SLC24A2: variants seen among roughly 807,000 people sequenced by gnomAD.
SLC24A2 encodes the protein sodium/potassium/calcium exchanger 2.
A neutral mutation model predicts 62.0 loss-of-function variants in SLC24A2; 36 were observed. The observed-to-expected ratio is 0.58, with a 90% CI of 0.44 to 0.77. The LOEUF is 0.77. Ranked by LOEUF, SLC24A2 falls within the 30% of genes least tolerant of loss-of-function variation. SLC24A2 has a pLI of 0.00. For synonymous variants in SLC24A2, 358 were observed against 294.0 expected, an observed-to-expected ratio of 1.22 and a Z score of -2.23; for missense variants, 846 against 817.9, an observed-to-expected ratio of 1.03 and a Z score of -0.42.
In SLC24A2 at chr9:19,511,864, C is replaced by G. The variant is rs1350721224; in HGVS notation, c.*4289G>C. On this transcript the variant is annotated 3_prime_UTR_variant, in exon 11 of 11. Transcript: ENST00000341998. The stretch of plus-strand genomic sequence containing the variant: ...AGGAGGCATAGCATCCACATAATCT[C>G]GCGTGTGTGTGGGGGTGTGGGTGTG... 1 of 152,248 alleles carries G rather than the reference C, an allele frequency of 6.6e-6. No homozygotes were observed. The highest frequency in any genetic ancestry group is 1.5e-5 in the Non-Finnish European group (1 of 68,116). The allele number at this position is 152,248 out of a possible 1,614,324, so 9.4% of individuals were successfully genotyped here.
chr9:20,276,036 G>A, the SLC24A2 span, among the ~76,000 whole-genome samples: 1 of 152,130 alleles, frequency 6.6e-6, no homozygotes, highest in Non-Finnish European at 1.5e-5. Context: ...TGAGGACACA[G>A]CCAAACCATA....
the SLC24A2 span, among the ~76,000 whole-genome samples, chr9:20,283,278 T>C: frequency 1.3e-5 from 2 of 152,240 alleles, no homozygotes; most frequent in Admixed American, 6.5e-5. Context: ...TCTGGATCAC[T>C]TGCATTAGAA....
the SLC24A2 span, among the ~76,000 whole-genome samples, chr9:20,233,889 G>A: frequency 2.0e-5 from 3 of 152,254 alleles, no homozygotes; most frequent in Admixed American, 6.5e-5. Flanking sequence ...CATGTTTAAT[G>A]CTTCCTTCAG....
At position 19,548,835 on chromosome 9, in the gene SLC24A2, A is replaced by G. The variant is rs141891228; in HGVS notation, c.1479+1302T>C. 5.7e-4 allele frequency among the ~76,000 whole-genome samples: 87 copies of G among 152,322 alleles called. 2 individuals carry two copies. In the East Asian group the frequency reaches 0.016, roughly 28 times the overall value. ...AAGGGCCAGCCCTGGGATGGACTGT[A>G]TTTCCGAGTATACTGTGTGCTGTTC... On this transcript the variant is annotated intron_variant, in intron 8 of 10. Coordinates refer to ENST00000341998, the MANE Select transcript of SLC24A2 (RefSeq NM_020344.4).
chr9:20,079,053 A>C, the SLC24A2 span, among the ~76,000 whole-genome samples: 2 of 143,408 alleles, frequency 1.4e-5, no homozygotes, highest in African/African-American at 4.9e-5. Flanking sequence ...ATAATTAAGA[A>C]CCTTGAGATA....
the SLC24A2 span, among the ~76,000 whole-genome samples, chr9:20,189,783 C>T: frequency 9.3e-5 from 14 of 151,350 alleles, no homozygotes; most frequent in East Asian, 2.0e-4. Flanking sequence ...ACTTTAGCTA[C>T]GGATTTCTGA....
chr9:19,763,354 T>C (rs1001266279), intron 2 of SLC24A2, among the ~76,000 whole-genome samples: 1 of 152,244 alleles, frequency 6.6e-6, no homozygotes, highest in Non-Finnish European at 1.5e-5. Context: ...CAATACTATG[T>C]TGAATAGCAG....
intron 2 of SLC24A2, among the ~76,000 whole-genome samples, chr9:19,670,338 T>G (rs1587128414): frequency 6.6e-6 from 1 of 152,300 alleles, no homozygotes; most frequent in East Asian, 1.9e-4. Flanking sequence ...CAAATATAAC[T>G]ATAGAACAAA....
chr9:19,783,941 G>A (rs1400548591), intron 2 of SLC24A2, among the ~76,000 whole-genome samples: 1 of 152,124 alleles, frequency 6.6e-6, no homozygotes, highest in East Asian at 1.9e-4. Context: ...ACATTTTGGG[G>A]GGAAATCAGA....
chr9:19,871,867 T>C, the SLC24A2 span, among the ~76,000 whole-genome samples: 5 of 152,212 alleles, frequency 3.3e-5, no homozygotes, highest in African/African-American at 1.2e-4. Flanking sequence ...TTTAAAAACA[T>C]ATGCAAAATT....
the SLC24A2 span, among the ~76,000 whole-genome samples, chr9:20,137,911 G>A: frequency 2.1e-4 from 32 of 152,280 alleles, no homozygotes; most frequent in East Asian, 6.2e-3. Flanking sequence ...AGAGAACAGA[G>A]TGAATAGTCA....
the SLC24A2 span, among the ~76,000 whole-genome samples, chr9:20,225,165 A>ATG: frequency 6.6e-6 from 1 of 152,142 alleles, no homozygotes; most frequent in African/African-American, 2.4e-5. Flanking sequence ...AAAGAAGGGT[A>ATG]CATATTTTTA....
At chr9:20,075,720 C>T in the SLC24A2 span, among the ~76,000 whole-genome samples, 4 of 152,112 alleles carry the variant, frequency 2.6e-5, no homozygotes, top group Non-Finnish European at 4.4e-5. Context: ...ACTTGCACTA[C>T]TGCATCCCCA....
At chr9:20,026,762 T>C in the SLC24A2 span, among the ~76,000 whole-genome samples, 3 of 152,180 alleles carry the variant, frequency 2.0e-5, no homozygotes, top group African/African-American at 7.2e-5. Flanking sequence ...GACATTGGTC[T>C]GGGCAATGAC....
chr9:19,514,159 T>C lies in SLC24A2; in HGVS notation c.*1994A>G, dbSNP rs779918665. The C allele has an allele frequency of 6.6e-6, 1 of 152,188 alleles. No individual in the cohort carries two copies. The highest frequency in any genetic ancestry group is 1.5e-5 in the Non-Finnish European group (1 of 68,044). The allele number at this position is 152,188 out of a possible 1,614,324, so 9.4% of individuals were successfully genotyped here. On this transcript the variant is annotated 3_prime_UTR_variant, in exon 11 of 11. Coordinates refer to ENST00000341998, the MANE Select transcript of SLC24A2 (RefSeq NM_020344.4). ...GAGGAATGATGGGCATTTCCTGTTA[T>C]TGCCATGCTCTGTGGGGTGAGCTGA...
the SLC24A2 span, among the ~76,000 whole-genome samples, chr9:19,953,183 C>T: frequency 1.8e-4 from 27 of 152,038 alleles, no homozygotes; most frequent in African/African-American, 4.3e-4. Context: ...TGACTATAAG[C>T]GTAACGATTT....
chr9:20,005,218 G>C, the SLC24A2 span, among the ~76,000 whole-genome samples: 1 of 152,046 alleles, frequency 6.6e-6, no homozygotes, highest in Non-Finnish European at 1.5e-5. Flanking sequence ...TAATCACAAA[G>C]TCAAGCAAAT....
chr9:20,186,767 C>T, the SLC24A2 span, among the ~76,000 whole-genome samples: 1 of 152,056 alleles, frequency 6.6e-6, no homozygotes, highest in African/African-American at 2.4e-5. Flanking sequence ...ATTTTAAAGT[C>T]CTAGTACAAA....
chr9:19,653,254 C>T (rs565186820), intron 2 of SLC24A2, among the ~76,000 whole-genome samples: 3 of 152,204 alleles, frequency 2.0e-5, no homozygotes, highest in Non-Finnish European at 4.4e-5. Context: ...TGTCCACACT[C>T]TCCTGTGTGC....
Sources: gnomAD v4.1 joint callset for allele counts (sites outside exome capture counted in the v4.1 genomes callset) on GRCh38, gnomAD v4.1.1 for gene constraint, MANE v1.5 for transcripts, NCBI Gene and HGNC (gene_info 2026-07-23, HGNC 2026-07-21) for gene names.